The following SPEF2 variants were observed in gnomAD, a reference collection of about 807,000 sequenced individuals.
The protein encoded by SPEF2 is sperm flagella and cilia-associated protein 2.
SPEF2 carries 187 observed loss-of-function variants against 224.6 expected under a neutral mutation model. The ratio of observed to expected loss-of-function variants is 0.83; its 90% confidence interval spans 0.74 to 0.94. The LOEUF is 0.94. Ranked by LOEUF, SPEF2 falls within the 40% of genes least tolerant of loss-of-function variation. SPEF2 has a pLI of 0.00. For missense variants in SPEF2, 2,170 were observed against 2,135.6 expected (o/e 1.02, Z -0.32); for synonymous variants, 715 against 707.3 (o/e 1.01, Z -0.17).
chr5:35,651,959 G>C (rs1176786344), intron 6 of SPEF2, among the ~76,000 whole-genome samples: 2 of 152,110 alleles, frequency 1.3e-5, no homozygotes, highest in South Asian at 4.1e-4. Flanking sequence ...TGTTTCTTTA[G>C]CTGGGGTTAT....
intron 30 of SPEF2, chr5:35,788,036 C>T (rs763935141): frequency 5.3e-5 from 37 of 702,644 alleles, no homozygotes; most frequent in Middle Eastern, 4.6e-4. Context: ...CGCCTTGTGT[C>T]GTAAGCATGG....
chr5:35,629,338 T>A (rs1425701212), intron 2 of SPEF2, among the ~76,000 whole-genome samples: 1 of 151,642 alleles, frequency 6.6e-6, no homozygotes, highest in African/African-American at 2.4e-5. Flanking sequence ...CTATTTTTTT[T>A]AGTAGAGACG....
At chr5:35,704,710 T>G (rs767790477) in intron 17 of SPEF2, 48 bp downstream of exon 17, 3 of 1,092,260 alleles carry the variant, frequency 2.7e-6, no homozygotes, top group South Asian at 2.6e-5. Context: ...GCTTTTTAAA[T>G]AGATTGACAA....
rs1561126736 is a variant in SPEF2, at chr5:35,646,754, A to T, written c.673A>T (p.Thr225Ser). ...GATTCCTAAACCTGCATCAAATCGT[A>T]CTTTGAAAGCACTCGAGGCCCAAAA... ...IQIPKPASNRTLKALEAQKMM... is the reference protein window; with the variant it reads ...IQIPKPASNRSLKALEAQKMM... Residue 225 changes from threonine (T) to serine (S), a missense_variant, in exon 5 of 37, where the codon ACT becomes TCT. Physicochemically the swap from Thr to Ser is moderately conservative, Grantham distance 58 (BLOSUM62 1). Coordinates refer to ENST00000356031, the MANE Select transcript of SPEF2 (RefSeq NM_024867.4). 1.2e-6 allele frequency: 2 copies of T among 1,614,006 alleles called. No homozygotes were observed. The highest frequency in any genetic ancestry group is 8.5e-7 in the Non-Finnish European group (1 of 1,179,948).
intron 30 of SPEF2, chr5:35,788,408 C>T (rs141495478): frequency 1.5e-4 from 107 of 702,060 alleles, no homozygotes; most frequent in Middle Eastern, 9.2e-4. Context: ...TGAAGTAGAA[C>T]GAAAAAATCT....
intron 26 of SPEF2, among the ~76,000 whole-genome samples, chr5:35,765,767 A>C (rs537680557): frequency 6.6e-6 from 1 of 152,284 alleles, no homozygotes; most frequent in African/African-American, 2.4e-5. Flanking sequence ...ATTCACAAAA[A>C]TGTTGGCTGC....
At chr5:35,769,261 T>C (rs1273145957) in intron 26 of SPEF2, among the ~76,000 whole-genome samples, 1 of 152,078 alleles carries the variant, frequency 6.6e-6, no homozygotes, top group Admixed American at 6.6e-5. Flanking sequence ...CAGGAACCGA[T>C]TAAAAATTGA....
Position 35,700,713 on chromosome 5 carries a change from T to A in SPEF2, c.2359T>A (p.Ser787Thr). The change falls in exon 16 of 37, where the codon TCA (serine) becomes ACA (threonine). Residue 787 changes from serine (S) to threonine (T), a missense_variant. Coordinates refer to ENST00000356031, the MANE Select transcript of SPEF2 (RefSeq NM_024867.4). ...TGATTTTGTCATATTATTAGATGTTTCAGATACTTCCTCAATGAGTCGCAT... is the reference window on the plus strand; with the variant it reads ...TGATTTTGTCATATTATTAGATGTTACAGATACTTCCTCAATGAGTCGCAT... ...AFDFVILLDV[S>T]DTSSMSRMND... is the part of the protein sequence containing the mutation. 2 of 1,613,980 alleles carry A rather than the reference T, an allele frequency of 1.2e-6. No individual in the cohort carries two copies. The highest frequency in any genetic ancestry group is 2.2e-5 in the South Asian group (2 of 91,082).
intron 36 of SPEF2, among the ~76,000 whole-genome samples, chr5:35,811,385 A>T (rs1268536920): frequency 6.6e-6 from 1 of 152,224 alleles, no homozygotes; most frequent in Non-Finnish European, 1.5e-5. Flanking sequence ...TATGTTTACA[A>T]GGTTCTTGTT....
At chr5:35,735,368 A>G (rs895854367) in intron 21 of SPEF2, among the ~76,000 whole-genome samples, 2 of 152,212 alleles carry the variant, frequency 1.3e-5, no homozygotes, top group Admixed American at 6.5e-5. Context: ...ACAGGCTGCC[A>G]TAAGAAAGTT....
intron 25 of SPEF2, among the ~76,000 whole-genome samples, 184 bp from the exon 26 acceptor site, chr5:35,763,338 T>A (rs1202865350): frequency 6.6e-6 from 1 of 152,204 alleles, no homozygotes; most frequent in Non-Finnish European, 1.5e-5. Context: ...AACAAGATGT[T>A]CTAGACCACA....
Position 35,790,226 on chromosome 5 carries a change from A to G in SPEF2, c.4448-2114A>G, listed in dbSNP as rs567631855. 11 of 683,586 alleles carry G rather than the reference A, an allele frequency of 1.6e-5. No homozygotes were observed. The African/African-American group carries it at 1.9e-4, about 12-fold the overall frequency. The allele number at this position is 683,586 out of a possible 1,614,324, so 42.3% of individuals were successfully genotyped here. ...AGGCTGAAAGTATGACGGATGTCCT[A>G]ATTATTCAGTTGAATTCTCCAGACA... On this transcript the variant is annotated intron_variant, in intron 30 of 36. Transcript: ENST00000356031.
chr5:35,800,031 C>G lies in SPEF2; in HGVS notation c.4894C>G (p.Leu1632Val). The change falls in exon 34 of 37, where the codon CTG becomes GTG. Residue 1632 changes from leucine (L) to valine (V), a missense_variant. Transcript: ENST00000356031. ...DPPQLDYTQM[L>V]LYFACHPDTV... is the part of the protein sequence containing the mutation. ...ACCCCAGCTTGACTACACACAGATG[C>G]TGCTTTACTTTGCTTGCCACCCAGA... The G allele has an allele frequency of 6.2e-7, 1 of 1,614,122 alleles. No homozygotes were observed.
chr5:35,659,477 C>G (rs1304739800), intron 8 of SPEF2, among the ~76,000 whole-genome samples: 5 of 152,134 alleles, frequency 3.3e-5, no homozygotes, highest in Non-Finnish European at 1.5e-5. Context: ...CCATGTCTCT[C>G]TAGTCATTTT....
At chr5:35,759,278 A>G (rs567020730) in intron 24 of SPEF2, among the ~76,000 whole-genome samples, 2 of 152,308 alleles carry the variant, frequency 1.3e-5, no homozygotes, top group East Asian at 3.9e-4. Flanking sequence ...AGCATGCACT[A>G]CTTGAAACAT....
chr5:35,684,493 G>A (rs1753291132), intron 10 of SPEF2, among the ~76,000 whole-genome samples: 1 of 152,200 alleles, frequency 6.6e-6, no homozygotes, highest in Non-Finnish European at 1.5e-5. Flanking sequence ...GCTAGTGATG[G>A]AAGAGGTCTA....
At chr5:35,691,450 A>G (rs1754470356) in intron 11 of SPEF2, among the ~76,000 whole-genome samples, 194 bp downstream of exon 11, 1 of 152,250 alleles carries the variant, frequency 6.6e-6, no homozygotes. Flanking sequence ...GATACATGCT[A>G]CAACATGGAT....
At chr5:35,649,301 A>C (rs1747856060) in intron 5 of SPEF2, 60 bp from the exon 6 acceptor site, 1 of 1,378,692 alleles carries the variant, frequency 7.3e-7, no homozygotes, top group Non-Finnish European at 1.0e-6. Flanking sequence ...ATGAATGTGT[A>C]AATGAAGATT....
intron 2 of SPEF2, among the ~76,000 whole-genome samples, chr5:35,640,186 C>T (rs1746414680): frequency 6.6e-6 from 1 of 152,086 alleles, no homozygotes; most frequent in African/African-American, 2.4e-5. Flanking sequence ...TAAGCTTTGA[C>T]AAAATTTGGA....
Sources: gnomAD v4.1 joint callset for allele counts (sites outside exome capture counted in the v4.1 genomes callset) on GRCh38, gnomAD v4.1.1 for gene constraint, MANE v1.5 for transcripts, NCBI Gene and HGNC (gene_info 2026-07-23, HGNC 2026-07-21) for gene names.